ADAM18: variants seen among roughly 807,000 people sequenced by gnomAD.
ADAM18 encodes ADAM metallopeptidase domain 18, also known as disintegrin and metalloproteinase domain-containing protein 18.
In ADAM18, 117 loss-of-function variants were observed where a neutral mutation model predicts 94.4. That is an observed-to-expected ratio of 1.24 (90% confidence interval 1.07 to 1.45). ADAM18 has a LOEUF of 1.45. Among genes scored for constraint, ADAM18 ranks in the 40% most tolerant of loss-of-function variants. The pLI, the probability that ADAM18 is intolerant of heterozygous loss-of-function variation, is 0.00. For missense variants in ADAM18, 936 were observed against 880.0 expected (o/e 1.06, Z -0.81); for synonymous variants, 327 against 291.6 (o/e 1.12, Z -1.24).
At chr8:39,651,179 C>A (rs1156812898) in intron 12 of ADAM18, among the ~76,000 whole-genome samples, 1 of 152,218 alleles carries the variant, frequency 6.6e-6, no homozygotes. Flanking sequence ...GTCTCACCTC[C>A]AGCCCTAAGG....
intron 16 of ADAM18, among the ~76,000 whole-genome samples, chr8:39,690,392 AG>A (rs1164127085): frequency 6.6e-6 from 1 of 152,036 alleles, no homozygotes; most frequent in African/African-American, 2.4e-5. Flanking sequence ...TCCCATGGGC[AG>A]GGGGCACTTC....
chr8:39,589,392 C>T (rs1361694705), intron 2 of ADAM18, among the ~76,000 whole-genome samples: 1 of 152,118 alleles, frequency 6.6e-6, no homozygotes, highest in African/African-American at 2.4e-5. Flanking sequence ...ATTAAGTTGT[C>T]ATGGTAAGGT....
intron 7 of ADAM18, among the ~76,000 whole-genome samples, chr8:39,632,448 T>C (rs1164073357): frequency 6.6e-6 from 1 of 152,120 alleles, no homozygotes; most frequent in Non-Finnish European, 1.5e-5. Context: ...AAATTTTTTT[T>C]CTGCTCTTAC....
intron 17 of ADAM18, among the ~76,000 whole-genome samples, chr8:39,697,767 A>C (rs1004817671): frequency 9.2e-5 from 14 of 151,666 alleles, no homozygotes; most frequent in African/African-American, 3.1e-4. Flanking sequence ...ATTTTCTTTC[A>C]GTAGTTTAAA....
chr8:39,727,870 G>T (rs1822961441), intron 19 of ADAM18, among the ~76,000 whole-genome samples: 1 of 152,056 alleles, frequency 6.6e-6, no homozygotes, highest in Admixed American at 6.6e-5. Context: ...GGCCATTCTT[G>T]CATTGCTATA....
At chr8:39,639,826 C>A (rs1043670879) in intron 10 of ADAM18, among the ~76,000 whole-genome samples, 1 of 151,934 alleles carries the variant, frequency 6.6e-6, no homozygotes, top group Non-Finnish European at 1.5e-5. Context: ...GAGAAATTGT[C>A]TGTTTTACCA....
chr8:39,676,361 C>CTTG (rs1821300942), intron 14 of ADAM18, among the ~76,000 whole-genome samples: 1 of 152,232 alleles, frequency 6.6e-6, no homozygotes, highest in African/African-American at 2.4e-5. Flanking sequence ...TGGCTGATAC[C>CTTG]CCTCCCCCAG....
At chr8:39,633,073 C>T (rs1819977289) in intron 7 of ADAM18, among the ~76,000 whole-genome samples, 1 of 152,098 alleles carries the variant, frequency 6.6e-6, no homozygotes, top group African/African-American at 2.4e-5. Context: ...CTTTCCTCTC[C>T]ACGAGGACAT....
At chr8:39,628,358 T>C (rs1353377228) in intron 6 of ADAM18, among the ~76,000 whole-genome samples, 2 of 151,970 alleles carry the variant, frequency 1.3e-5, no homozygotes, top group East Asian at 3.9e-4. Context: ...TAAACATGTA[T>C]GTCTTGATAG....
In ADAM18 at chr8:39,663,776, T is replaced by C; in HGVS notation, c.1231-19T>C. 6.5e-7 allele frequency: 1 copy of C among 1,540,432 alleles called. No individual in the cohort carries two copies. Among genetic ancestry groups the C allele is most frequent in the Non-Finnish European group, 8.9e-7 (1 of 1,117,406 alleles). On this transcript the variant is annotated intron_variant, in intron 12 of 19. Transcript: ENST00000265707. The stretch of plus-strand genomic sequence containing the variant: ...TAAGTGGTTAAACTGTAATAATATT[T>C]CTTCCTGTAAAATTTTAGGAATGTC...
chr8:39,595,093 C>G (rs1818702300), intron 2 of ADAM18, among the ~76,000 whole-genome samples: 1 of 152,060 alleles, frequency 6.6e-6, no homozygotes, highest in Non-Finnish European at 1.5e-5. Flanking sequence ...ATCATTTCCT[C>G]TCTACATTTT....
At chr8:39,643,876 T>G (rs1221460713) in intron 10 of ADAM18, among the ~76,000 whole-genome samples, 1 of 151,490 alleles carries the variant, frequency 6.6e-6, no homozygotes, top group African/African-American at 2.4e-5. Flanking sequence ...CTTTTGGTTT[T>G]TGTATCTTGC....
chr8:39,724,844 C>A (rs1056556296), intron 19 of ADAM18, among the ~76,000 whole-genome samples: 7 of 151,878 alleles, frequency 4.6e-5, no homozygotes, highest in African/African-American at 1.7e-4. Flanking sequence ...GTTTAATTCC[C>A]AAATATTTAT....
chr8:39,668,306 T>C (rs1340185257), intron 14 of ADAM18, 110 bp downstream of exon 14: 4 of 1,069,736 alleles, frequency 3.7e-6, no homozygotes, highest in Admixed American at 2.5e-5. Context: ...ACAAGATTAA[T>C]AAAAATTAAA....
rs537568899 is a variant in ADAM18 at position 39,585,163 on chromosome 8, T to G, written c.56-113T>G. ...AAAGAGTGTGAGCACATGAGAGAAC[T>G]TCTACTTAAAATTTTAGGCGCCACC... On this transcript the variant is annotated intron_variant, in intron 1 of 19. Transcript: ENST00000265707. The G allele has an allele frequency of 5.6e-5, 40 of 711,680 alleles. No individual in the cohort carries two copies. The African/African-American group carries it at 7.1e-4, about 13-fold the overall frequency. 44.1% of individuals were successfully genotyped at this position (711,680 alleles called of 1,614,324 possible).
At chr8:39,590,554 G>A (rs2129458006) in intron 2 of ADAM18, among the ~76,000 whole-genome samples, 1 of 152,124 alleles carries the variant, frequency 6.6e-6, no homozygotes, top group Admixed American at 6.6e-5. Context: ...CCTGCACAAT[G>A]TGCACATGTA....
chr8:39,721,735 T>G (rs1014270551), intron 18 of ADAM18, among the ~76,000 whole-genome samples: 1 of 151,280 alleles, frequency 6.6e-6, no homozygotes, highest in African/African-American at 2.4e-5. Flanking sequence ...TGGTTAGTAT[T>G]CAAAAGTCAT....
chr8:39,684,058 T>G (rs192796418), intron 16 of ADAM18, among the ~76,000 whole-genome samples: 286 of 152,152 alleles, frequency 1.9e-3, no homozygotes, highest in Middle Eastern at 3.4e-3. Flanking sequence ...AGCAAGAGGA[T>G]CTCTTGAACT....
intron 18 of ADAM18, among the ~76,000 whole-genome samples, chr8:39,713,984 T>G (rs1021064369): frequency 6.6e-6 from 1 of 152,200 alleles, no homozygotes; most frequent in African/African-American, 2.4e-5. Flanking sequence ...TAAAGACACA[T>G]GCACACATAT....
Sources: gnomAD v4.1 joint callset for allele counts (sites outside exome capture counted in the v4.1 genomes callset) on GRCh38, gnomAD v4.1.1 for gene constraint, MANE v1.5 for transcripts, NCBI Gene and HGNC (gene_info 2026-07-23, HGNC 2026-07-21) for gene names.